CACNA1A: variants seen among roughly 807,000 people sequenced by gnomAD.
The protein encoded by CACNA1A is calcium voltage-gated channel subunit alpha1 A, also known as voltage-dependent P/Q-type calcium channel subunit alpha-1A.
In CACNA1A, 57 loss-of-function variants were observed where a neutral mutation model predicts 262.4. The observed-to-expected ratio is 0.22, with a 90% confidence interval of 0.18 to 0.27. The LOEUF (loss-of-function observed/expected upper bound fraction) is 0.27. CACNA1A is among the 10% of genes least tolerant of loss of function. The probability of loss-of-function intolerance (pLI) is 1.00; values close to 1 mark genes in which losing one functional copy is unlikely to be tolerated. For synonymous variants in CACNA1A, 1,431 were observed against 1,419.3 expected, an observed-to-expected ratio of 1.01 and a Z score of -0.18; for missense variants, 2,526 against 3,562.8, an observed-to-expected ratio of 0.71 and a Z score of 7.41.
chr19:13,393,064 C>T (rs759792959), intron 3 of CACNA1A, among the ~76,000 whole-genome samples: 4 of 152,146 alleles, frequency 2.6e-5, no homozygotes, highest in Non-Finnish European at 4.4e-5. Context: ...CCACTGTGCC[C>T]GGCCAATTGT....
At chr19:13,495,883 AG>A (rs1981443375) in intron 1 of CACNA1A, among the ~76,000 whole-genome samples, 1 of 151,956 alleles carries the variant, frequency 6.6e-6, no homozygotes, top group East Asian at 1.9e-4. Flanking sequence ...CAATCCATCC[AG>A]TCATCCATCC....
chr19:13,293,591 C>G (rs530523073), intron 19 of CACNA1A, among the ~76,000 whole-genome samples: 1 of 150,494 alleles, frequency 6.6e-6, no homozygotes, highest in African/African-American at 2.4e-5. Context: ...GGACTACAGG[C>G]GTGCACCACC....
intron 3 of CACNA1A, among the ~76,000 whole-genome samples, chr19:13,403,600 T>C (rs1258508389): frequency 2.0e-5 from 3 of 152,072 alleles, no homozygotes; most frequent in Admixed American, 6.6e-5. Flanking sequence ...CGTATGGGTG[T>C]GGATAGGGCC....
At chr19:13,376,802 T>C (rs1004221896) in intron 3 of CACNA1A, among the ~76,000 whole-genome samples, 2 of 129,438 alleles carry the variant, frequency 1.5e-5, no homozygotes, top group African/African-American at 3.0e-5. Flanking sequence ...TATATACACA[T>C]AATATATGTT....
chr19:13,217,171 T>C (rs952933881), intron 38 of CACNA1A, among the ~76,000 whole-genome samples: 5 of 150,084 alleles, frequency 3.3e-5, no homozygotes, highest in African/African-American at 1.2e-4. Flanking sequence ...AAAACCAAAA[T>C]AGAGATTCTT....
At chr19:13,222,553 A>G (rs1406075918) in intron 38 of CACNA1A, among the ~76,000 whole-genome samples, 2 of 151,038 alleles carry the variant, frequency 1.3e-5, no homozygotes, top group Non-Finnish European at 2.9e-5. Context: ...GTGCCACCAC[A>G]CCCAGCTAAT....
chr19:13,371,695 TC>T lies in CACNA1A; in HGVS notation c.623del (p.Gly208GlufsTer9). On this transcript the variant is annotated frameshift_variant, in exon 4 of 47. Transcript: ENST00000360228. LOFTEE classifies it high-confidence loss of function. ...GGTCGGAAACTCACGCACTTGGGATTCCAGACACCAGCTTGAGCGGCCGCAG... is the reference window on the plus strand; with the variant it reads ...GGTCGGAAACTCACGCACTTGGGATTCAGACACCAGCTTGAGCGGCCGCAG... ...RVLRPLKLVS[G>X]IPSLQVVLKS... is the part of the protein sequence containing the mutation. 1 of 1,573,830 alleles carries T rather than the reference TC, an allele frequency of 6.4e-7. No individual in the cohort carries two copies. Among genetic ancestry groups the T allele is most frequent in the Non-Finnish European group, 8.6e-7 (1 of 1,159,722 alleles).
intron 24 of CACNA1A, among the ~76,000 whole-genome samples, chr19:13,266,229 A>T (rs557367859): frequency 0.017 from 2,531 of 150,380 alleles, 55 homozygotes; most frequent in African/African-American, 0.045. Flanking sequence ...TTTTTTATTT[A>T]AATTAAAGAG....
At chr19:13,251,672 G>T (rs1253990709) in intron 30 of CACNA1A, among the ~76,000 whole-genome samples, 3 of 152,190 alleles carry the variant, frequency 2.0e-5, no homozygotes, top group Non-Finnish European at 4.4e-5. Context: ...ATTAAGGGTT[G>T]ATAATACTAA....
intron 46 of CACNA1A, 139 bp downstream of exon 46, chr19:13,208,617 G>T: frequency 1.8e-6 from 2 of 1,112,754 alleles, no homozygotes; most frequent in Non-Finnish European, 1.2e-6. Flanking sequence ...CACCCCGGTG[G>T]CTTGGGGGCA....
In CACNA1A at chr19:13,245,050, G is replaced by A. The variant is rs2056189952; in HGVS notation, c.4950+132C>T. The A allele has an allele frequency of 3.1e-5, 23 of 753,136 alleles. No homozygotes were observed. The South Asian group carries it at 3.5e-4, about 11-fold the overall frequency. The allele number at this position is 753,136 out of a possible 1,614,324, so 46.7% of individuals were successfully genotyped here. ...CCCGGGGCCCCAGTTCTCCCTCTCT[G>A]GTCATGGCCAAGTGCTGGCTCAAGC... On this transcript the variant is annotated intron_variant, in intron 31 of 46. Coordinates refer to ENST00000360228, the MANE Select transcript of CACNA1A (RefSeq NM_001127222.2).
At chr19:13,443,588 C>T (rs1023234281) in intron 3 of CACNA1A, among the ~76,000 whole-genome samples, 1 of 152,120 alleles carries the variant, frequency 6.6e-6, no homozygotes, top group African/African-American at 2.4e-5. Context: ...CTCAAGTGAT[C>T]CTCCTGACTT....
intron 3 of CACNA1A, among the ~76,000 whole-genome samples, chr19:13,431,918 A>G (rs2060511597): frequency 6.6e-6 from 1 of 151,852 alleles, no homozygotes. Flanking sequence ...CATCCTGGCC[A>G]ACATGGTGAA....
chr19:13,438,635 A>G (rs2060655337), intron 3 of CACNA1A, among the ~76,000 whole-genome samples: 1 of 152,212 alleles, frequency 6.6e-6, no homozygotes, highest in South Asian at 2.1e-4. Flanking sequence ...AAGATGCATG[A>G]ATGAGCTCAA....
chr19:13,253,298 A>C (rs548843490), intron 29 of CACNA1A, among the ~76,000 whole-genome samples, 197 bp from the exon 30 acceptor site: 5 of 138,156 alleles, frequency 3.6e-5, no homozygotes, highest in South Asian at 4.7e-4. Flanking sequence ...ATCCAAAAAA[A>C]CAAAAACCTC....
chr19:13,399,704 C>T (rs1467074028), intron 3 of CACNA1A, among the ~76,000 whole-genome samples: 2 of 152,168 alleles, frequency 1.3e-5, no homozygotes, highest in Non-Finnish European at 2.9e-5. Context: ...AACCACCAAC[C>T]TCCACCTTTC....
chr19:13,241,658 G>A lies in CACNA1A; in HGVS notation c.4950+3524C>T, dbSNP rs1347104818. 6.0e-6 allele frequency: 4 copies of A among 666,002 alleles called. No homozygotes were observed. Among genetic ancestry groups the A allele is most frequent in the African/African-American group, 1.8e-5 (1 of 56,322 alleles). 41.3% of individuals were successfully genotyped at this position (666,002 alleles called of 1,614,324 possible). A position where few individuals can be genotyped will look rare whatever the true frequency, so the allele number is the denominator to read the frequency against. ...GGGTTTCGGTTCCCGGGCGGGGAGT[G>A]GGGGTGGTGGTGGCGGTGGGTTGGG... is the stretch of plus-strand genomic sequence containing the variant. On this transcript the variant is annotated intron_variant, in intron 31 of 46. Coordinates refer to ENST00000360228, the MANE Select transcript of CACNA1A (RefSeq NM_001127222.2). The surrounding 1 kb of genome is among the most constrained non-coding windows in gnomAD (Gnocchi z 4.0).
At chr19:13,410,422 G>A (rs1284661033) in intron 3 of CACNA1A, among the ~76,000 whole-genome samples, 1 of 151,726 alleles carries the variant, frequency 6.6e-6, no homozygotes, top group Non-Finnish European at 1.5e-5. Flanking sequence ...TGTAGAGATG[G>A]GGTCTCACTA....
Position 13,412,197 on chromosome 19 carries a change from G to A in CACNA1A, c.540-40418C>T, listed in dbSNP as rs551916075. On this transcript the variant is annotated intron_variant, in intron 3 of 46. Coordinates refer to ENST00000360228, the MANE Select transcript of CACNA1A (RefSeq NM_001127222.2). The stretch of plus-strand genomic sequence containing the variant: ...CAAATGAGATCCTTGTTTCCACGCC[G>A]CCTCCAGTGTATTCTTTTTTAGATG... Among the ~76,000 whole-genome samples the A allele has an allele frequency of 5.3e-5, 8 of 151,202 alleles. No individual in the cohort carries two copies. The South Asian group carries it at 6.3e-4, about 12-fold the overall frequency.
Sources: gnomAD v4.1 joint callset for allele counts (sites outside exome capture counted in the v4.1 genomes callset) on GRCh38, gnomAD v4.1.1 for gene constraint, Gnocchi (gnomAD v3.1) non-coding constraint, MANE v1.5 for transcripts, NCBI Gene and HGNC (gene_info 2026-07-23, HGNC 2026-07-21) for gene names.